Variants in DUSP26 observed in about 807,000 individuals in gnomAD.
DUSP26 encodes the protein dual specificity phosphatase 26, also known as dual specificity protein phosphatase 26.
Under a neutral mutation model 20.0 loss-of-function variants are expected in DUSP26, and 12 were observed. The observed-to-expected ratio is 0.60, with a 90% CI of 0.38 to 0.97. The LOEUF (loss-of-function observed/expected upper bound fraction) is 0.97, where lower values mean the gene tolerates loss of function less well. Among genes scored for constraint, DUSP26 ranks in the 50% least tolerant of loss-of-function variants. The probability of loss-of-function intolerance (pLI) is 0.00; values close to 1 mark genes in which losing one functional copy is unlikely to be tolerated. For synonymous variants in DUSP26, 120 were observed against 118.8 expected (o/e 1.01, Z -0.06); for missense variants, 230 against 294.0 (o/e 0.78, Z 1.59).
intron 3 of DUSP26, among the ~76,000 whole-genome samples, chr8:33,592,994 G>A (rs1811057667): frequency 6.6e-6 from 1 of 152,166 alleles, no homozygotes; most frequent in African/African-American, 2.4e-5. Flanking sequence ...CCTGCTGGCT[G>A]GGTGCAGTGG....
intron 2 of DUSP26, among the ~76,000 whole-genome samples, chr8:33,594,987 G>A (rs763790276): frequency 9.9e-5 from 15 of 152,146 alleles, no homozygotes; most frequent in Non-Finnish European, 1.9e-4. Flanking sequence ...CTCCCAAAGT[G>A]CTGGGATTAT....
rs763085303 is a variant in DUSP26 at position 33,592,197 on chromosome 8, T to G, written c.452A>C (p.His151Pro). The G allele has an allele frequency of 6.2e-7, 1 of 1,610,024 alleles. No homozygotes were observed. Among genetic ancestry groups the G allele is most frequent in the Non-Finnish European group, 8.5e-7 (1 of 1,178,352 alleles). Residue 151 changes from histidine to proline, a missense_variant, in exon 4 of 4, where the codon CAT (histidine) becomes CCT (proline). Coordinates refer to ENST00000256261, the MANE Select transcript of DUSP26 (RefSeq NM_024025.3). ...GGATCGGCTCACGCCCACAGCACAA[T>G]GCACCAGGATCTTCCCTGAGAGGAG... is the stretch of plus-strand genomic sequence containing the variant. ...LSQPGGKILV[H>P]CAVGVSRSAT...
intron 3 of DUSP26, among the ~76,000 whole-genome samples, chr8:33,592,694 G>A (rs982435073): frequency 2.0e-5 from 3 of 152,100 alleles, no homozygotes; most frequent in African/African-American, 7.2e-5. Context: ...AGAATGAGAG[G>A]AAGGGGACAT....
At chr8:33,594,595 A>C (rs535090922) in intron 2 of DUSP26, among the ~76,000 whole-genome samples, 190 of 152,110 alleles carry the variant, frequency 1.2e-3, no homozygotes, top group South Asian at 7.7e-3. Flanking sequence ...CCATCTCAAA[A>C]AAAACAAAAC....
chr8:33,597,910 C>CACACACACACACACACAT, intron 1 of DUSP26: 1 of 181,638 alleles, frequency 5.5e-6, no homozygotes, highest in Non-Finnish European at 1.1e-5. Context: ...CACACACACA[C>CACACACACACACACACAT]GGCACTTGGG....
chr8:33,597,159 G>T (rs763053747), intron 2 of DUSP26, 136 bp downstream of exon 2: 3 of 836,396 alleles, frequency 3.6e-6, no homozygotes, highest in Non-Finnish European at 3.6e-6. Context: ...TCTACTCTTG[G>T]CCCATGTGCC....
chr8:33,599,365 G>A (rs1411131397), intron 1 of DUSP26, among the ~76,000 whole-genome samples: 1 of 152,186 alleles, frequency 6.6e-6, no homozygotes, highest in Non-Finnish European at 1.5e-5. Context: ...TTTCTGTCCA[G>A]GGATACAGCC....
intron 3 of DUSP26, among the ~76,000 whole-genome samples, chr8:33,593,158 G>T (rs1811061716): frequency 6.6e-6 from 1 of 152,118 alleles, no homozygotes; most frequent in African/African-American, 2.4e-5. Flanking sequence ...TGTAATCTCA[G>T]CTACTTGGGA....
intron 2 of DUSP26, among the ~76,000 whole-genome samples, chr8:33,595,403 T>TGAC: frequency 6.6e-6 from 1 of 151,442 alleles, no homozygotes; most frequent in Non-Finnish European, 1.5e-5. Context: ...AGATGGTGTC[T>TGAC]TGCTCTGTCA....
chr8:33,591,860 A>G lies in DUSP26; in HGVS notation c.*153T>C, dbSNP rs1811026069. 1.2e-6 allele frequency: 1 copy of G among 858,674 alleles called. No homozygotes were observed. Among genetic ancestry groups the G allele is most frequent in the Non-Finnish European group, 1.7e-6 (1 of 572,636 alleles). 53.2% of individuals were successfully genotyped at this position (858,674 alleles called of 1,614,324 possible). A position where few individuals can be genotyped will look rare whatever the true frequency, so the allele number is the denominator to read the frequency against. ...AACCTCACTCCCCGTCCCCTCCCAC[A>G]AAGAGTGACAGTGGCCTGGGGCTCG... is the stretch of plus-strand genomic sequence containing the variant. On this transcript the variant is annotated 3_prime_UTR_variant, in exon 4 of 4. Coordinates refer to ENST00000256261, the MANE Select transcript of DUSP26 (RefSeq NM_024025.3).
At chr8:33,598,027 T>C (rs982405343) in intron 1 of DUSP26, among the ~76,000 whole-genome samples, 8 of 152,048 alleles carry the variant, frequency 5.3e-5, no homozygotes, top group Middle Eastern at 3.4e-3. Context: ...GGGGTACCTT[T>C]AGACCCATCC....
chr8:33,596,884 A>C (rs904105473), intron 2 of DUSP26, among the ~76,000 whole-genome samples: 3 of 152,212 alleles, frequency 2.0e-5, no homozygotes, highest in African/African-American at 7.2e-5. Context: ...GCATGTAATA[A>C]TAAATATGTG....
intron 1 of DUSP26, 175 bp from the exon 2 acceptor site, chr8:33,597,766 C>A (rs1318774507): frequency 8.9e-6 from 4 of 450,162 alleles, no homozygotes; most frequent in Non-Finnish European, 1.6e-5. Context: ...TTGCTCAGCT[C>A]TTTGGCTCTG....
intron 2 of DUSP26, among the ~76,000 whole-genome samples, chr8:33,595,077 G>T (rs1384052505): frequency 6.6e-6 from 1 of 152,144 alleles, no homozygotes; most frequent in African/African-American, 2.4e-5. Flanking sequence ...TCTAGCTGAG[G>T]AAAGGGTGGA....
At chr8:33,594,924 G>A (rs888522686) in intron 2 of DUSP26, among the ~76,000 whole-genome samples, 2 of 151,866 alleles carry the variant, frequency 1.3e-5, no homozygotes, top group Non-Finnish European at 2.9e-5. Context: ...GGATTTCATC[G>A]TGTTGGCCAA....
intron 2 of DUSP26, among the ~76,000 whole-genome samples, chr8:33,595,358 T>TTTTGTTG (rs3085245): frequency 0.024 from 3,591 of 151,130 alleles, 89 homozygotes; most frequent in East Asian, 0.12. Context: ...TGTGTTTTTT[T>TTTTGTTG]TTGTTGTTGT....
chr8:33,598,593 T>C (rs1811204417), intron 1 of DUSP26, among the ~76,000 whole-genome samples: 1 of 152,220 alleles, frequency 6.6e-6, no homozygotes, highest in Non-Finnish European at 1.5e-5. Context: ...ACCAACCGTA[T>C]GGCTGTTGGA....
intron 1 of DUSP26, among the ~76,000 whole-genome samples, chr8:33,598,740 A>G (rs1198999359): frequency 1.3e-5 from 2 of 152,214 alleles, no homozygotes; most frequent in East Asian, 3.9e-4. Flanking sequence ...GGAGGCAACA[A>G]TGGCAAGGCC....
At chr8:33,593,887 A>G in intron 2 of DUSP26, 140 bp from the exon 3 acceptor site, 2 of 962,580 alleles carry the variant, frequency 2.1e-6, no homozygotes, top group Non-Finnish European at 3.1e-6. Context: ...CCTAGGCCAG[A>G]GTGCTCACTG....
Sources: gnomAD v4.1 joint callset for allele counts (sites outside exome capture counted in the v4.1 genomes callset) on GRCh38, gnomAD v4.1.1 for gene constraint, MANE v1.5 for transcripts, NCBI Gene and HGNC (gene_info 2026-07-23, HGNC 2026-07-21) for gene names.